Variants in HSP90AA1 observed in about 807,000 individuals in gnomAD.
HSP90AA1 encodes the protein heat shock protein HSP 90-alpha.
A neutral mutation model predicts 73.3 loss-of-function variants in HSP90AA1; 18 were observed. That is an observed-to-expected ratio of 0.25 (90% CI 0.17 to 0.36). The LOEUF is 0.36. Among genes scored for constraint, HSP90AA1 ranks in the 10% least tolerant of loss-of-function variants. The probability of loss-of-function intolerance (pLI) is 1.00; values close to 1 mark genes in which losing one functional copy is unlikely to be tolerated. For synonymous variants in HSP90AA1, 477 were observed against 296.9 expected (o/e 1.61, Z -6.24); for missense variants, 704 against 874.2 (o/e 0.81, Z 2.45).
upstream of HSP90AA1, among the ~76,000 whole-genome samples, chr14:102,089,141 G>A (rs2049317894): frequency 6.6e-6 from 1 of 152,056 alleles, no homozygotes; most frequent in Non-Finnish European, 1.5e-5. Flanking sequence ...GGCTGGTCTC[G>A]AACCCGTGAC....
chr14:102,083,391 G>A lies in HSP90AA1; in HGVS notation c.1487-89C>T, dbSNP rs1158378422. 4.0e-6 allele frequency: 6 copies of A among 1,490,408 alleles called. No individual in the cohort carries two copies. The African/African-American group carries it at 6.9e-5, about 17-fold the overall frequency. 92.3% of individuals were successfully genotyped at this position (1,490,408 alleles called of 1,614,324 possible). A position where few individuals can be genotyped will look rare whatever the true frequency, so the allele number is the denominator to read the frequency against. ...ACTTTTCTTGCTAGCCAGATACCTA[G>A]GCAGAACCTAAGACAGAAAATGACC... On this transcript the variant is annotated intron_variant, in intron 8 of 10. Transcript: ENST00000216281.
intron 9 of HSP90AA1, 24 bp from the exon 10 acceptor site, chr14:102,082,468 G>C (rs371874745): frequency 3.2e-6 from 5 of 1,569,860 alleles, no homozygotes; most frequent in Non-Finnish European, 4.4e-6. Context: ...GTGATGACTA[G>C]GAACCTAGAA....
At chr14:102,105,007 C>G (rs753385841) in intron 1 of HSP90AA1, among the ~76,000 whole-genome samples, 2 of 147,716 alleles carry the variant, frequency 1.4e-5, no homozygotes, top group South Asian at 2.2e-4. Context: ...GACCATACTG[C>G]CTAACATGGT....
At chr14:102,098,459 CTTTTTTT>C (rs55683551) in intron 2 of HSP90AA1, among the ~76,000 whole-genome samples, 3 of 75,462 alleles carry the variant, frequency 4.0e-5, no homozygotes, top group Middle Eastern at 0.014. Context: ...TGCACCTGGC[CTTTTTTT>C]TTTTTTTTTT....
intron 1 of HSP90AA1, among the ~76,000 whole-genome samples, chr14:102,109,148 C>G (rs1296258886): frequency 6.6e-6 from 1 of 152,142 alleles, no homozygotes; most frequent in Non-Finnish European, 1.5e-5. Flanking sequence ...CAAAGATAAC[C>G]AACATTCTGA....
chr14:102,101,532 G>A (rs984601926), intron 2 of HSP90AA1, among the ~76,000 whole-genome samples: 3 of 152,236 alleles, frequency 2.0e-5, no homozygotes, highest in African/African-American at 7.2e-5. Flanking sequence ...GTGAGTGGGT[G>A]CTCAAGGCGC....
Position 102,084,939 on chromosome 14 carries a change from T to C in HSP90AA1, c.723A>G (p.Lys241=), listed in dbSNP as rs1244116592. 3 of 1,594,274 alleles carry C rather than the reference T, an allele frequency of 1.9e-6. No homozygotes were observed. The highest frequency in any genetic ancestry group is 1.7e-5 in the Admixed American group (1 of 59,814). ...TCTCTTCTTTTTCTTTTTCTTCTTC[T>C]TTGTCTTCCTTTTCTTCAGCCTCAT... is the stretch of plus-strand genomic sequence containing the variant. ...SDDEAEEKED[K]EEEKEKEEKE... The change falls in exon 5 of 11, where the codon AAA becomes AAG. Residue 241 remains lysine, a synonymous_variant. Transcript: ENST00000216281.
chr14:102,105,847 A>G (rs2049560690), intron 1 of HSP90AA1, among the ~76,000 whole-genome samples: 1 of 152,170 alleles, frequency 6.6e-6, no homozygotes, highest in African/African-American at 2.4e-5. Context: ...AGATAGGTAG[A>G]TCACCTGAGG....
intron 1 of HSP90AA1, among the ~76,000 whole-genome samples, chr14:102,135,224 T>C (rs534840977): frequency 8.9e-5 from 13 of 146,680 alleles, no homozygotes; most frequent in Admixed American, 7.4e-4. Flanking sequence ...AGAGTGTGGA[T>C]TGGTGCACTC....
At chr14:102,085,215 C>G in intron 4 of HSP90AA1, 83 bp downstream of exon 4, 1 of 1,490,794 alleles carries the variant, frequency 6.7e-7, no homozygotes, top group Non-Finnish European at 9.3e-7. Flanking sequence ...ACTAGTTGAA[C>G]AGATCTAGGG....
intron 1 of HSP90AA1, among the ~76,000 whole-genome samples, chr14:102,119,838 G>A (rs770163123): frequency 2.6e-5 from 4 of 152,156 alleles, no homozygotes; most frequent in South Asian, 2.1e-4. Context: ...GCAGTAATCC[G>A]TGGAATGATA....
At chr14:102,122,668 T>C (rs1566734744) in intron 1 of HSP90AA1, among the ~76,000 whole-genome samples, 1 of 151,664 alleles carries the variant, frequency 6.6e-6, no homozygotes, top group South Asian at 2.1e-4. Context: ...TTTTTTTTAT[T>C]TTTTATATAT....
intron 1 of HSP90AA1, among the ~76,000 whole-genome samples, chr14:102,126,660 G>GA (rs545626437): frequency 1.3e-3 from 203 of 152,210 alleles, no homozygotes; most frequent in African/African-American, 4.4e-3. Flanking sequence ...GAGTAGCTGA[G>GA]ACTACAGGCG....
rs549666191 is a variant in HSP90AA1, at chr14:102,127,380, T to C, written c.155+11870A>G. ...CAAAAAGTGATGTCCTAATTTGAAT[T>C]CAGTTCTAACATACTGTAATAATTC... On this transcript the variant is annotated intron_variant, in intron 1 of 11. Transcript: ENST00000334701. Among the ~76,000 whole-genome samples, 7 of 152,342 alleles carry C rather than the reference T, an allele frequency of 4.6e-5. No individual in the cohort carries two copies. In the East Asian group the frequency reaches 1.3e-3, roughly 29 times the overall value.
At chr14:102,124,413 G>A (rs1476476363) in intron 1 of HSP90AA1, among the ~76,000 whole-genome samples, 3 of 152,012 alleles carry the variant, frequency 2.0e-5, no homozygotes, top group African/African-American at 7.3e-5. Flanking sequence ...GGTTGGTCTT[G>A]AACTCCTAAC....
Position 102,098,924 on chromosome 14 carries a change from T to C in HSP90AA1, c.366+2951A>G, listed in dbSNP as rs755017393. On this transcript the variant is annotated intron_variant, in intron 2 of 11. Transcript: ENST00000334701. The stretch of plus-strand genomic sequence containing the variant: ...TTAATGTAGTTCTAAACTCTTTCAC[T>C]AGAGGACAGAAAAGCTAGGGTAGAA... Among the ~76,000 whole-genome samples the C allele has an allele frequency of 2.1e-4, 32 of 152,316 alleles. No individual in the cohort carries two copies. In the Middle Eastern group the frequency reaches 0.01, roughly 49 times the overall value.
intron 8 of HSP90AA1, 22 bp from the exon 9 acceptor site, chr14:102,083,324 T>C: frequency 6.2e-7 from 1 of 1,613,410 alleles, no homozygotes; most frequent in Non-Finnish European, 8.5e-7. Flanking sequence ...CAAAGTTACT[T>C]TTAGACCTTT....
chr14:102,113,260 G>A (rs909313375), intron 1 of HSP90AA1, among the ~76,000 whole-genome samples: 1 of 152,072 alleles, frequency 6.6e-6, no homozygotes, highest in Non-Finnish European at 1.5e-5. Context: ...CTGACCTCAG[G>A]CAATCTGCCC....
In HSP90AA1 at chr14:102,083,790, A is replaced by C. The variant is rs763509457; in HGVS notation, c.1338+3T>G. 2 of 1,611,070 alleles carry C rather than the reference A, an allele frequency of 1.2e-6. No individual in the cohort carries two copies. The highest frequency in any genetic ancestry group is 2.2e-5 in the South Asian group (2 of 90,452). ...TGGAAAACTAATGGTTATTTACACC[A>C]ACCTTTATGTTTTTAGAGAACTGCT... On this transcript the variant is annotated splice_donor_region_variant and intron_variant, in intron 7 of 10. Coordinates refer to ENST00000216281, the MANE Select transcript of HSP90AA1 (RefSeq NM_005348.4).
Sources: gnomAD v4.1 joint callset for allele counts (sites outside exome capture counted in the v4.1 genomes callset) on GRCh38, gnomAD v4.1.1 for gene constraint, MANE v1.5 for transcripts, NCBI Gene and HGNC (gene_info 2026-07-23, HGNC 2026-07-21) for gene names.